The following CNOT2 variants were observed in gnomAD, a reference collection of about 807,000 sequenced individuals.
The protein encoded by CNOT2 is CC chemokine receptor 4-negative regulator of transcription 2.
In CNOT2, 7 loss-of-function variants were observed where a neutral mutation model predicts 72.1. The observed-to-expected ratio is 0.10, with a 90% CI of 0.06 to 0.18. CNOT2 has a LOEUF of 0.18. CNOT2 is among the 10% of genes least tolerant of loss of function. The probability of loss-of-function intolerance (pLI) is 1.00; values close to 1 mark genes in which losing one functional copy is unlikely to be tolerated. For synonymous variants in CNOT2, 196 were observed against 225.6 expected (o/e 0.87, Z 1.17); for missense variants, 345 against 660.3 (o/e 0.52, Z 5.23).
intron 11 of CNOT2, among the ~76,000 whole-genome samples, chr12:70,340,664 T>C (rs1881366359): frequency 6.6e-6 from 1 of 152,032 alleles, no homozygotes; most frequent in Non-Finnish European, 1.5e-5. Flanking sequence ...ATATACAGAA[T>C]CTAACCAAAG....
intron 1 of CNOT2, among the ~76,000 whole-genome samples, chr12:70,265,273 T>TCTTCTCTTCTCTTCTCTTCTCTTC (rs1229244460): frequency 4.0e-4 from 50 of 125,468 alleles, no homozygotes; most frequent in African/African-American, 6.1e-4. Context: ...TTCGTTTTGT[T>TCTTCTCTTCTCTTCTCTTCTCTTC]TCTTCTCTTC....
intron 3 of CNOT2, among the ~76,000 whole-genome samples, chr12:70,317,025 CTTATATTTG>C (rs1370398169): frequency 6.6e-6 from 1 of 152,138 alleles, no homozygotes; most frequent in African/African-American, 2.4e-5. Context: ...TGGCCAGCAT[CTTATATTTG>C]CAGCCTTTAG....
At chr12:70,338,352 A>AT in intron 9 of CNOT2, 91 bp from the exon 10 acceptor site, 2 of 1,067,256 alleles carry the variant, frequency 1.9e-6, no homozygotes, top group Non-Finnish European at 2.7e-6. Flanking sequence ...ATTTAAATGT[A>AT]ATAAAGAATA....
chr12:70,263,483 CCT>C (rs758475768), intron 1 of CNOT2, among the ~76,000 whole-genome samples: 87 of 152,074 alleles, frequency 5.7e-4, no homozygotes, highest in Non-Finnish European at 1.0e-3. Context: ...CTTTTGAGCC[CCT>C]CTTATTTTTG....
At chr12:70,278,662 A>G (rs1474727857) in intron 2 of CNOT2, among the ~76,000 whole-genome samples, 1 of 152,234 alleles carries the variant, frequency 6.6e-6, no homozygotes, top group African/African-American at 2.4e-5. Flanking sequence ...CAAAGTATAT[A>G]TCACAGAAAT....
intron 2 of CNOT2, among the ~76,000 whole-genome samples, chr12:70,281,229 C>T (rs887389444): frequency 1.3e-5 from 2 of 151,990 alleles, no homozygotes; most frequent in African/African-American, 2.4e-5. Context: ...GGATTACAGG[C>T]GTGCGCCACC....
chr12:70,262,804 T>C (rs1361078706), intron 1 of CNOT2, among the ~76,000 whole-genome samples: 1 of 151,840 alleles, frequency 6.6e-6, no homozygotes, highest in East Asian at 1.9e-4. Context: ...CTCCAGAGTA[T>C]CTGGGATTAC....
chr12:70,343,905 A>G (rs1161105061), intron 13 of CNOT2: 1 of 403,858 alleles, frequency 2.5e-6, no homozygotes, highest in Non-Finnish European at 4.4e-6. Context: ...CATATCAATT[A>G]GATGTATCAG....
chr12:70,247,011 A>C (rs1002174273), intron 1 of CNOT2, among the ~76,000 whole-genome samples: 1 of 152,182 alleles, frequency 6.6e-6, no homozygotes, highest in African/African-American at 2.4e-5. Context: ...AAATACAAAA[A>C]AGTGAATTAT....
At chr12:70,257,730 T>TA (rs942379501) in intron 1 of CNOT2, among the ~76,000 whole-genome samples, 3 of 152,128 alleles carry the variant, frequency 2.0e-5, no homozygotes, top group African/African-American at 7.2e-5. Context: ...GCTATTACGC[T>TA]AAAAAAATTT....
At chr12:70,338,953 A>G (rs1452982947) in intron 11 of CNOT2, 131 bp downstream of exon 11, 1 of 761,654 alleles carries the variant, frequency 1.3e-6, no homozygotes. Context: ...GGTCATTCCC[A>G]TTCATGTTAG....
intron 4 of CNOT2, chr12:70,323,026 G>A (rs1376369863): frequency 2.0e-5 from 3 of 151,678 alleles, no homozygotes; most frequent in African/African-American, 7.3e-5. Flanking sequence ...GCAGAATGGT[G>A]TAGACAGACT....
At chr12:70,315,934 A>C (rs188439337) in intron 3 of CNOT2, among the ~76,000 whole-genome samples, 70 of 152,318 alleles carry the variant, frequency 4.6e-4, no homozygotes, top group Admixed American at 7.8e-4. Flanking sequence ...ATTTCTCAAG[A>C]GTCTGAATGC....
chr12:70,325,855 G>A (rs1415722223), intron 4 of CNOT2, among the ~76,000 whole-genome samples: 1 of 151,702 alleles, frequency 6.6e-6, no homozygotes, highest in Non-Finnish European at 1.5e-5. Flanking sequence ...GATTTTAGGG[G>A]ACTTTATTTA....
chr12:70,256,409 T>C (rs1041404756), intron 1 of CNOT2, among the ~76,000 whole-genome samples: 2 of 152,206 alleles, frequency 1.3e-5, no homozygotes, highest in Middle Eastern at 3.4e-3. Context: ...AAAGGGAAGA[T>C]TCTTTTGTAA....
chr12:70,319,348 T>C lies in CNOT2; in HGVS notation c.222T>C (p.Ser74=). The part of the protein sequence containing the change: ...TSGQLSQFGA[S]LYGQQSALGL... ...GTCAGCTGTCTCAGTTTGGGGCAAG[T>C]TTATACGGGCAACAAAGTAAGAATT... Residue 74 remains serine (S), a synonymous_variant, in exon 4 of 16, where the codon AGT becomes AGC. Coordinates refer to ENST00000229195, the MANE Select transcript of CNOT2 (RefSeq NM_014515.7). 6.2e-7 allele frequency: 1 copy of C among 1,610,762 alleles called. No individual in the cohort carries two copies. The highest frequency in any genetic ancestry group is 8.5e-7 in the Non-Finnish European group (1 of 1,177,670).
intron 3 of CNOT2, among the ~76,000 whole-genome samples, chr12:70,314,574 A>G (rs568040854): frequency 6.6e-6 from 1 of 152,330 alleles, no homozygotes; most frequent in Admixed American, 6.5e-5. Context: ...GTAACCTGAC[A>G]TTCAGACAAT....
intron 4 of CNOT2, among the ~76,000 whole-genome samples, chr12:70,324,673 C>T (rs1296823889): frequency 6.6e-6 from 1 of 151,870 alleles, no homozygotes; most frequent in Non-Finnish European, 1.5e-5. Context: ...GATGTTGAGA[C>T]TCTCAGCTGA....
At chr12:70,283,791 T>G (rs1328788554) in intron 2 of CNOT2, among the ~76,000 whole-genome samples, 1 of 152,016 alleles carries the variant, frequency 6.6e-6, no homozygotes, top group Admixed American at 6.6e-5. Context: ...TAGAATGACT[T>G]TTTATGTGCC....
Sources: allele counts gnomAD v4.1 joint callset (sites outside exome capture counted in the v4.1 genomes callset), GRCh38; gene constraint gnomAD v4.1.1; transcripts MANE v1.5; gene names NCBI Gene and HGNC (gene_info 2026-07-23, HGNC 2026-07-21).